MAML3: variants seen among roughly 807,000 people sequenced by gnomAD.
MAML3 encodes mastermind like transcriptional coactivator 3, also known as mastermind-like protein 3.
Under a neutral mutation model 101.9 loss-of-function variants are expected in MAML3, and 27 were observed. That is an observed-to-expected ratio of 0.27 (90% CI 0.20 to 0.37). The LOEUF is 0.37. Among genes scored for constraint, MAML3 ranks in the 10% least tolerant of loss-of-function variants. The pLI, the probability that MAML3 is intolerant of heterozygous loss-of-function variation, is 1.00. For missense variants in MAML3, 1,316 were observed against 1,444.9 expected, an observed-to-expected ratio of 0.91 and a Z score of 1.45; for synonymous variants, 501 against 555.9, an observed-to-expected ratio of 0.90 and a Z score of 1.39.
intron 1 of MAML3, among the ~76,000 whole-genome samples, chr4:140,032,995 G>C (rs187395887): frequency 6.6e-6 from 1 of 152,218 alleles, no homozygotes; most frequent in Admixed American, 6.5e-5. Context: ...TTTGTAGAAA[G>C]GGAGAAACTG....
At chr4:139,758,098 C>T (rs952471626) in intron 2 of MAML3, among the ~76,000 whole-genome samples, 2 of 152,188 alleles carry the variant, frequency 1.3e-5, no homozygotes, top group Admixed American at 6.5e-5. Context: ...CAGTTAGGAC[C>T]TAATGACTTA....
Position 139,873,293 on chromosome 4 carries a change from C to T in MAML3, c.2079+16064G>A, listed in dbSNP as rs528906625. On this transcript the variant is annotated intron_variant, in intron 2 of 4. Transcript: ENST00000509479. Reference sequence around the variant, plus strand: ...CTATGATTTCATCCCTCCTCTCACTCCAGCACATCTGATCTATGTATCCTC... The same window carrying T: ...CTATGATTTCATCCCTCCTCTCACTTCAGCACATCTGATCTATGTATCCTC... Among the ~76,000 whole-genome samples, 35 of 152,264 alleles carry T rather than the reference C, an allele frequency of 2.3e-4. No individual in the cohort carries two copies. In the South Asian group the frequency reaches 2.7e-3, roughly 12 times the overall value.
rs1560890851 is a variant in MAML3, at chr4:140,092,100, A to ACACG, written c.468+60759_468+60760insCGTG. On this transcript the variant is annotated intron_variant, in intron 1 of 4. Coordinates refer to ENST00000509479, the MANE Select transcript of MAML3 (RefSeq NM_018717.5). ...CGTATATATATACGTATATATATAT[A>ACACG]TACGTATATATATATATACGTATAT... is the stretch of plus-strand genomic sequence containing the variant. 3.1e-4 allele frequency among the ~76,000 whole-genome samples: 42 copies of ACACG among 136,636 alleles called. 1 individual carries two copies. Among genetic ancestry groups the ACACG allele is most frequent in the African/African-American group, 1.2e-3 (42 of 35,894 alleles). 89.6% of individuals were successfully genotyped at this position (136,636 alleles called of 152,430 possible).
At chr4:140,017,369 GCC>G (rs755602191) in intron 1 of MAML3, among the ~76,000 whole-genome samples, 122 of 152,218 alleles carry the variant, frequency 8.0e-4, no homozygotes, top group Non-Finnish European at 3.2e-4. Context: ...AAATAATACA[GCC>G]CCTGTTGAAA....
chr4:140,013,277 T>C (rs376989426), intron 1 of MAML3, among the ~76,000 whole-genome samples: 1 of 152,222 alleles, frequency 6.6e-6, no homozygotes, highest in Non-Finnish European at 1.5e-5. Flanking sequence ...CTACAGTCCA[T>C]GAACACAGCC....
chr4:140,069,771 T>C (rs1727613362), intron 1 of MAML3, among the ~76,000 whole-genome samples: 1 of 151,338 alleles, frequency 6.6e-6, no homozygotes, highest in African/African-American at 2.4e-5. Context: ...CAGAATAGAA[T>C]ACATAGTAAA....
intron 1 of MAML3, among the ~76,000 whole-genome samples, chr4:140,018,529 A>C (rs987179013): frequency 2.6e-5 from 4 of 152,224 alleles, no homozygotes; most frequent in African/African-American, 7.2e-5. Flanking sequence ...AATAATAATC[A>C]AAATATTCTG....
At chr4:139,937,237 T>C (rs978655337) in intron 1 of MAML3, among the ~76,000 whole-genome samples, 1 of 152,222 alleles carries the variant, frequency 6.6e-6, no homozygotes, top group Non-Finnish European at 1.5e-5. Flanking sequence ...GATTATTGCA[T>C]TGTTGTTACC....
At chr4:139,837,733 A>C (rs1020558412) in intron 2 of MAML3, among the ~76,000 whole-genome samples, 1 of 152,062 alleles carries the variant, frequency 6.6e-6, no homozygotes, top group African/African-American at 2.4e-5. Context: ...CAGACTGGCC[A>C]ACATGGTGAA....
intron 2 of MAML3, among the ~76,000 whole-genome samples, chr4:139,842,353 T>A (rs1374821924): frequency 6.6e-6 from 1 of 152,214 alleles, no homozygotes; most frequent in African/African-American, 2.4e-5. Context: ...GACATTATTA[T>A]CCCCTGATTT....
chr4:139,999,003 C>T (rs1274246775), intron 1 of MAML3, among the ~76,000 whole-genome samples: 1 of 152,192 alleles, frequency 6.6e-6, no homozygotes, highest in East Asian at 1.9e-4. Context: ...GAGGTGCACA[C>T]TCTAAGTTCA....
At chr4:140,071,150 C>T (rs1578669749) in intron 1 of MAML3, among the ~76,000 whole-genome samples, 2 of 152,356 alleles carry the variant, frequency 1.3e-5, no homozygotes. Context: ...AGGACAAAAA[C>T]AACTGGCGTT....
intron 4 of MAML3, among the ~76,000 whole-genome samples, chr4:139,721,506 G>C (rs1728232337): frequency 1.3e-5 from 2 of 152,200 alleles, no homozygotes; most frequent in South Asian, 4.1e-4. Flanking sequence ...AACCAGATGA[G>C]AATAGTCTAA....
At chr4:139,748,436 C>T (rs1315979169) in intron 2 of MAML3, among the ~76,000 whole-genome samples, 1 of 152,188 alleles carries the variant, frequency 6.6e-6, no homozygotes, top group African/African-American at 2.4e-5. Flanking sequence ...TGAGAACCAA[C>T]TGGAGAAAGG....
At chr4:139,945,130 T>G (rs1012919468) in intron 1 of MAML3, among the ~76,000 whole-genome samples, 1 of 152,238 alleles carries the variant, frequency 6.6e-6, no homozygotes, top group East Asian at 1.9e-4. Context: ...CAGGAAGTTC[T>G]GATATAAGGT....
chr4:140,113,129 A>G (rs544601595), intron 1 of MAML3, among the ~76,000 whole-genome samples: 1 of 152,134 alleles, frequency 6.6e-6, no homozygotes, highest in Admixed American at 6.5e-5. Flanking sequence ...AATAGAAAAA[A>G]TCAGCTGGGC....
At chr4:139,862,697 A>G (rs769345619) in intron 2 of MAML3, among the ~76,000 whole-genome samples, 2 of 152,198 alleles carry the variant, frequency 1.3e-5, no homozygotes, top group Non-Finnish European at 2.9e-5. Flanking sequence ...GTGCTCTGTA[A>G]TGAACAAATG....
At chr4:139,803,437 A>T (rs1730644932) in intron 2 of MAML3, among the ~76,000 whole-genome samples, 1 of 152,198 alleles carries the variant, frequency 6.6e-6, no homozygotes. Context: ...ATGAAGTTGT[A>T]AGAGTTGCGT....
intron 2 of MAML3, among the ~76,000 whole-genome samples, chr4:139,799,729 G>T (rs1730571754): frequency 6.6e-6 from 1 of 152,166 alleles, no homozygotes; most frequent in Non-Finnish European, 1.5e-5. Context: ...TTTCTATTCT[G>T]TGGAAACTCA....
Sources: gnomAD v4.1 joint callset for allele counts (sites outside exome capture counted in the v4.1 genomes callset) on GRCh38, gnomAD v4.1.1 for gene constraint, MANE v1.5 for transcripts, NCBI Gene and HGNC (gene_info 2026-07-23, HGNC 2026-07-21) for gene names.